MEF2C: variants seen among roughly 807,000 people sequenced by gnomAD.
MEF2C encodes myocyte enhancer factor 2C.
Under a neutral mutation model 50.5 loss-of-function variants are expected in MEF2C, and 6 were observed. That is an observed-to-expected ratio of 0.12 (90% CI 0.07 to 0.23). The LOEUF (loss-of-function observed/expected upper bound fraction) is 0.23. MEF2C is among the 10% of genes least tolerant of loss of function. The pLI, the probability that MEF2C is intolerant of heterozygous loss-of-function variation, is 1.00. For synonymous variants in MEF2C, 183 were observed against 228.0 expected (o/e 0.80, Z 1.78); for missense variants, 276 against 605.0 (o/e 0.46, Z 5.70).
At chr5:88,796,869 A>G (rs959846792) in intron 3 of MEF2C, among the ~76,000 whole-genome samples, 2 of 152,080 alleles carry the variant, frequency 1.3e-5, no homozygotes, top group African/African-American at 4.8e-5. Flanking sequence ...TTCTGCCTTA[A>G]TTTCATTATT....
At chr5:88,769,169 T>G (rs1207409809) in intron 3 of MEF2C, among the ~76,000 whole-genome samples, 3 of 152,144 alleles carry the variant, frequency 2.0e-5, no homozygotes, top group African/African-American at 7.2e-5. Context: ...CACAGGGAAA[T>G]TTGTGAATGT....
At chr5:88,833,263 A>G (rs1215380471) in intron 1 of MEF2C, among the ~76,000 whole-genome samples, 1 of 152,190 alleles carries the variant, frequency 6.6e-6, no homozygotes, top group African/African-American at 2.4e-5. Flanking sequence ...TGACTTTTAA[A>G]AATGTGTAAT....
chr5:88,739,318 A>T (rs1765452274), intron 6 of MEF2C: 9 of 984,682 alleles, frequency 9.1e-6, no homozygotes, highest in Middle Eastern at 5.2e-4. Flanking sequence ...CTTTTACTTC[A>T]ACAAAATGTT....
At chr5:88,854,294 T>C (rs1007384159) in intron 1 of MEF2C, among the ~76,000 whole-genome samples, 2 of 152,136 alleles carry the variant, frequency 1.3e-5, no homozygotes, top group African/African-American at 4.8e-5. Context: ...GCAGATGTGG[T>C]GCAAAAAATA....
chr5:88,856,969 A>C (rs1185136069), intron 1 of MEF2C, among the ~76,000 whole-genome samples: 3 of 152,216 alleles, frequency 2.0e-5, no homozygotes, highest in Non-Finnish European at 4.4e-5. Flanking sequence ...CAGATCCCAG[A>C]ATGGTAGATC....
At chr5:88,750,115 T>C (rs1204481084) in intron 5 of MEF2C, 2 of 858,394 alleles carry the variant, frequency 2.3e-6, no homozygotes, top group Non-Finnish European at 2.8e-6. Context: ...GATTTTCTAA[T>C]TGCCTCTAAG....
chr5:88,830,130 TAC>T (rs1302919711), intron 1 of MEF2C, among the ~76,000 whole-genome samples: 1 of 151,988 alleles, frequency 6.6e-6, no homozygotes, highest in Non-Finnish European at 1.5e-5. Flanking sequence ...AGAATAAATT[TAC>T]AGTGTTAAAA....
At chr5:88,788,198 AT>A (rs1396162924) in intron 3 of MEF2C, among the ~76,000 whole-genome samples, 1 of 147,282 alleles carries the variant, frequency 6.8e-6, no homozygotes, top group East Asian at 2.0e-4. Context: ...TTATTTATTT[AT>A]TTATTTATTT....
chr5:88,886,346 T>C (rs183440404), upstream of MEF2C, among the ~76,000 whole-genome samples: 1 of 152,236 alleles, frequency 6.6e-6, no homozygotes, highest in Non-Finnish European at 1.5e-5. Flanking sequence ...AAAATCATCC[T>C]GATCCTTGCC....
At chr5:88,807,075 T>C (rs1168110804) in intron 2 of MEF2C, among the ~76,000 whole-genome samples, 3 of 152,250 alleles carry the variant, frequency 2.0e-5, no homozygotes, top group African/African-American at 4.8e-5. Flanking sequence ...ACAATACATA[T>C]ATTCCTTACT....
Position 88,746,621 on chromosome 5 carries a change from G to GTT in MEF2C, c.637+2447_637+2448dup, listed in dbSNP as rs1013279828. On this transcript the variant is annotated intron_variant, in intron 6 of 10. Transcript: ENST00000504921. ...GCTATATTTTGGCCTTTTTGCTTTG[G>GTT]TTTTCTTCTCTGAAAATGTAGCAAC... The GTT allele has an allele frequency of 5.3e-5, 52 of 985,278 alleles. No individual in the cohort carries two copies. The African/African-American group carries it at 8.4e-4, about 16-fold the overall frequency. 61.0% of individuals were successfully genotyped at this position (985,278 alleles called of 1,614,324 possible).
chr5:88,884,173 G>C (rs1220197118), upstream of MEF2C, among the ~76,000 whole-genome samples: 2 of 152,226 alleles, frequency 1.3e-5, no homozygotes, highest in Non-Finnish European at 2.9e-5. Flanking sequence ...GGGACGCTGC[G>C]AGCCAGCCAG....
rs143872006 is a variant in MEF2C at position 88,798,580 on chromosome 5, A to G, written c.258+6018T>C. The stretch of plus-strand genomic sequence containing the variant: ...TTTCTTAGCTTCCTTGCATTGAGTT[A>G]GAACATGCTCCTTTAGCTCGGAGGA... On this transcript the variant is annotated intron_variant, in intron 3 of 10. Coordinates refer to ENST00000504921, the MANE Select transcript of MEF2C (RefSeq NM_002397.5). Among the ~76,000 whole-genome samples, 49 of 152,182 alleles carry G rather than the reference A, an allele frequency of 3.2e-4. 2 individuals are homozygous for G. The East Asian group carries it at 7.2e-3, about 22-fold the overall frequency.
chr5:88,812,722 A>G (rs1005855039), intron 2 of MEF2C, among the ~76,000 whole-genome samples: 4 of 152,122 alleles, frequency 2.6e-5, no homozygotes, highest in African/African-American at 9.7e-5. Context: ...GAATACCGTA[A>G]ACAAAGACAT....
intron 3 of MEF2C, among the ~76,000 whole-genome samples, chr5:88,793,327 TG>T (rs146956999): frequency 0.15 from 22,700 of 151,922 alleles, 1,852 homozygotes; most frequent in East Asian, 0.33. Flanking sequence ...GAGTATAGGA[TG>T]GGGGTTGTAA....
chr5:88,903,031 A>G (rs1835818353), intron 1 of MEF2C, among the ~76,000 whole-genome samples: 1 of 151,924 alleles, frequency 6.6e-6, no homozygotes, highest in Non-Finnish European at 1.5e-5. Context: ...AAGCATAGTT[A>G]AAAGAATGAA....
chr5:88,752,728 A>C, intron 4 of MEF2C: 2 of 985,452 alleles, frequency 2.0e-6, no homozygotes, highest in South Asian at 9.4e-5. Flanking sequence ...AAGTTGGCAA[A>C]TATTTAGTGA....
intron 7 of MEF2C, 124 bp downstream of exon 7, chr5:88,731,605 A>G: frequency 3.4e-6 from 3 of 880,352 alleles, no homozygotes; most frequent in South Asian, 3.0e-5. Context: ...GGCTCTGTCA[A>G]TGGCACTGTT....
intron 2 of MEF2C, among the ~76,000 whole-genome samples, chr5:88,816,568 A>C (rs1805518130): frequency 6.7e-6 from 1 of 149,934 alleles, no homozygotes; most frequent in Non-Finnish European, 1.5e-5. Flanking sequence ...ATCACCAGCA[A>C]TTCCAAATCT....
Sources: gnomAD v4.1 joint callset for allele counts (sites outside exome capture counted in the v4.1 genomes callset) on GRCh38, gnomAD v4.1.1 for gene constraint, MANE v1.5 for transcripts, NCBI Gene and HGNC (gene_info 2026-07-23, HGNC 2026-07-21) for gene names.